BMPR1B: variants seen among roughly 807,000 people sequenced by gnomAD.
BMPR1B encodes bone morphogenetic protein receptor type-1B.
In BMPR1B, 12 loss-of-function variants were observed where a neutral mutation model predicts 59.1. That is an observed-to-expected ratio of 0.20 (90% CI 0.13 to 0.33). The LOEUF (loss-of-function observed/expected upper bound fraction) is 0.33, where lower values mean the gene tolerates loss of function less well. Among genes scored for constraint, BMPR1B ranks in the 10% least tolerant of loss-of-function variants. BMPR1B has a pLI of 1.00. For synonymous variants in BMPR1B, 237 were observed against 207.3 expected, an observed-to-expected ratio of 1.14 and a Z score of -1.23; for missense variants, 550 against 610.9, an observed-to-expected ratio of 0.90 and a Z score of 1.05.
At chr4:94,768,357 A>G (rs1347975896) in intron 1 of BMPR1B, among the ~76,000 whole-genome samples, 1 of 150,802 alleles carries the variant, frequency 6.6e-6, no homozygotes, top group Admixed American at 6.6e-5. Context: ...CCTTCTCCTT[A>G]AAAAACAACA....
chr4:94,866,894 T>C (rs1309850386), intron 1 of BMPR1B, among the ~76,000 whole-genome samples: 1 of 152,222 alleles, frequency 6.6e-6, no homozygotes, highest in African/African-American at 2.4e-5. Context: ...ATTCATTGTT[T>C]ATTTCACTAT....
chr4:94,852,716 T>C (rs780996503), intron 1 of BMPR1B, among the ~76,000 whole-genome samples: 3 of 151,802 alleles, frequency 2.0e-5, no homozygotes, highest in Non-Finnish European at 4.4e-5. Context: ...TTCTCCTCCT[T>C]AAAAAAAAGC....
intron 1 of BMPR1B, among the ~76,000 whole-genome samples, chr4:94,805,771 A>G (rs746616644): frequency 5.3e-5 from 8 of 152,186 alleles, no homozygotes; most frequent in Non-Finnish European, 1.2e-4. Flanking sequence ...CTTTTAACCT[A>G]CAAAGACTGG....
intron 3 of BMPR1B, among the ~76,000 whole-genome samples, chr4:95,093,789 C>T (rs1730173406): frequency 6.6e-6 from 1 of 152,028 alleles, no homozygotes; most frequent in African/African-American, 2.4e-5. Flanking sequence ...TAGAAACACT[C>T]ACAAATATTT....
chr4:94,810,989 A>T (rs1400942336), intron 1 of BMPR1B, among the ~76,000 whole-genome samples: 1 of 152,180 alleles, frequency 6.6e-6, no homozygotes, highest in Admixed American at 6.5e-5. Flanking sequence ...CGTTTATTTG[A>T]TTCCCTGTGA....
chr4:95,129,983 C>T lies in BMPR1B; in HGVS notation c.707C>T (p.Thr236Ile), dbSNP rs1733200402. 6.2e-7 allele frequency: 1 copy of T among 1,613,934 alleles called. No homozygotes were observed. Among genetic ancestry groups the T allele is most frequent in the Non-Finnish European group, 8.5e-7 (1 of 1,179,914 alleles). The change falls in exon 9 of 13, where the codon ACA becomes ATA. Residue 236 changes from threonine (T) to isoleucine (I), a missense_variant. Transcript: ENST00000515059. ...GTAGCTGTGAAAGTGTTCTTCACCA[C>T]AGAGGAAGCCAGCTGGTTCAGAGAG... ...EKVAVKVFFT[T>I]EEASWFRETE...
At chr4:94,835,866 G>C (rs986821614) in intron 1 of BMPR1B, among the ~76,000 whole-genome samples, 1 of 150,176 alleles carries the variant, frequency 6.7e-6, no homozygotes, top group Non-Finnish European at 1.5e-5. Flanking sequence ...CCACTAACTC[G>C]TCATCTAGCA....
intron 1 of BMPR1B, among the ~76,000 whole-genome samples, chr4:94,794,036 G>T (rs1397491986): frequency 1.3e-5 from 2 of 150,816 alleles, no homozygotes; most frequent in Non-Finnish European, 3.0e-5. Context: ...GATCCCATTT[G>T]TCAATTTTGG....
chr4:94,824,832 T>C (rs1724328614), intron 1 of BMPR1B, among the ~76,000 whole-genome samples: 1 of 152,162 alleles, frequency 6.6e-6, no homozygotes, highest in Non-Finnish European at 1.5e-5. Flanking sequence ...AAGTTATATA[T>C]AGTGTTCAAA....
chr4:94,790,616 A>G (rs1193677315), intron 1 of BMPR1B, among the ~76,000 whole-genome samples: 1 of 152,170 alleles, frequency 6.6e-6, no homozygotes, highest in Non-Finnish European at 1.5e-5. Context: ...ATGGCTTTCC[A>G]TTGTTTGCAT....
At chr4:95,052,594 A>G (rs959149309) in intron 3 of BMPR1B, among the ~76,000 whole-genome samples, 2 of 152,038 alleles carry the variant, frequency 1.3e-5, no homozygotes, top group Admixed American at 1.3e-4. Context: ...GATGCATATT[A>G]TAGAACTAAC....
chr4:94,800,447 A>ATTT (rs71583665), intron 1 of BMPR1B, among the ~76,000 whole-genome samples: 9 of 120,092 alleles, frequency 7.5e-5, no homozygotes, highest in Non-Finnish European at 8.6e-5. Context: ...GGTCTTTACT[A>ATTT]TTTTTTTTTT....
intron 2 of BMPR1B, among the ~76,000 whole-genome samples, chr4:94,956,752 C>T (rs1047686899): frequency 7.9e-5 from 12 of 151,910 alleles, no homozygotes; most frequent in African/African-American, 2.7e-4. Flanking sequence ...TTTTGGCAGC[C>T]CTTTGATGGA....
chr4:94,873,876 T>G (rs1458095724), intron 1 of BMPR1B, among the ~76,000 whole-genome samples: 1 of 152,172 alleles, frequency 6.6e-6, no homozygotes, highest in African/African-American at 2.4e-5. Context: ...TTCCAGAACT[T>G]TTTCATCTTG....
intron 10 of BMPR1B, 47 bp from the exon 11 acceptor site, chr4:95,148,701 G>A (rs747322190): frequency 1.3e-6 from 2 of 1,582,646 alleles, no homozygotes; most frequent in Non-Finnish European, 1.7e-6. Context: ...ATTCGTTTTT[G>A]TTGGTCCTCT....
chr4:94,811,118 G>T (rs1723796097), intron 1 of BMPR1B, among the ~76,000 whole-genome samples: 10 of 152,192 alleles, frequency 6.6e-5, no homozygotes, highest in Admixed American at 6.5e-4. Flanking sequence ...TGCATAGCAG[G>T]TGTATCTCAA....
At chr4:94,864,340 A>T (rs185631337) in intron 1 of BMPR1B, among the ~76,000 whole-genome samples, 93 of 152,254 alleles carry the variant, frequency 6.1e-4, no homozygotes, top group African/African-American at 2.1e-3. Context: ...TGTCAGCATA[A>T]AGATTAGGAT....
chr4:95,136,223 G>T (rs2149308792), intron 10 of BMPR1B, among the ~76,000 whole-genome samples: 1 of 152,282 alleles, frequency 6.6e-6, no homozygotes, highest in South Asian at 2.1e-4. Context: ...ATTGATTTGT[G>T]TATGTTGAAC....
chr4:94,792,766 C>T (rs1022688228), intron 1 of BMPR1B, among the ~76,000 whole-genome samples: 2 of 152,100 alleles, frequency 1.3e-5, no homozygotes, highest in African/African-American at 4.8e-5. Context: ...TAGATAGTTA[C>T]ATAAGAATTT....
Sources: allele counts gnomAD v4.1 joint callset (sites outside exome capture counted in the v4.1 genomes callset), GRCh38; gene constraint gnomAD v4.1.1; transcripts MANE v1.5; gene names NCBI Gene and HGNC (gene_info 2026-07-23, HGNC 2026-07-21).